The following SLC30A6 variants were observed in gnomAD, a reference collection of about 807,000 sequenced individuals.
The protein encoded by SLC30A6 is solute carrier family 30 member 6.
In SLC30A6, 55 loss-of-function variants were observed where a neutral mutation model predicts 63.0. The observed-to-expected ratio is 0.87, with a 90% confidence interval of 0.70 to 1.09. SLC30A6 has a LOEUF of 1.09. Ranked by LOEUF, SLC30A6 falls within the 50% of genes least tolerant of loss-of-function variation. SLC30A6 has a pLI of 0.00. For missense variants in SLC30A6, 587 were observed against 549.2 expected (o/e 1.07, Z -0.69); for synonymous variants, 224 against 186.1 (o/e 1.20, Z -1.66).
rs1423523508 is a variant in SLC30A6 at position 32,197,250 on chromosome 2, C to T, written c.497-94C>T. On this transcript the variant is annotated intron_variant, in intron 8 of 13. Transcript: ENST00000282587. The stretch of plus-strand genomic sequence containing the variant: ...CTTTTGTAATGTTATTCAGTCACTG[C>T]CAAATTTATTTTTTAAAATTAAAGA... The T allele has an allele frequency of 1.1e-5, 13 of 1,148,176 alleles. No individual in the cohort carries two copies. The African/African-American group carries it at 1.7e-4, about 15-fold the overall frequency. 71.1% of individuals were successfully genotyped at this position (1,148,176 alleles called of 1,614,324 possible).
chr2:32,171,461 C>A (rs1681204254), intron 2 of SLC30A6, 88 bp downstream of exon 2: 5 of 953,654 alleles, frequency 5.2e-6, no homozygotes, highest in South Asian at 1.5e-5. Context: ...CAATAGAAAT[C>A]ACTCCTGATC....
At position 32,193,939 on chromosome 2, in the gene SLC30A6, C is replaced by T. The variant is rs771247557; in HGVS notation, c.452C>T (p.Thr151Met). 9.3e-6 allele frequency: 15 copies of T among 1,613,392 alleles called. No individual in the cohort carries two copies. Among genetic ancestry groups the T allele is most frequent in the South Asian group, 2.2e-5 (2 of 91,040 alleles). ...TFVALCFNLFTMLSIRNKPFA... is the reference protein window; with the variant it reads ...TFVALCFNLFMMLSIRNKPFA... The stretch of plus-strand genomic sequence containing the variant: ...GTGGCTCTTTGTTTCAACCTGTTCA[C>T]GATGCTTTCTATTCGGAATAAACCT... Residue 151 changes from threonine (T) to methionine (M), a missense_variant, in exon 8 of 14, where the codon ACG (threonine) becomes ATG (methionine). Coordinates refer to ENST00000282587, the MANE Select transcript of SLC30A6 (RefSeq NM_017964.5).
intron 3 of SLC30A6, among the ~76,000 whole-genome samples, chr2:32,174,353 C>G (rs1389545347): frequency 6.6e-6 from 1 of 151,514 alleles, no homozygotes; most frequent in East Asian, 1.9e-4. Context: ...AAGTTTTTTT[C>G]CTTTTAAAAT....
Position 32,214,562 on chromosome 2 carries a change from C to T in SLC30A6, c.885+5001C>T, listed in dbSNP as rs555472045. On this transcript the variant is annotated intron_variant, in intron 13 of 13. Transcript: ENST00000282587. ...AGTATATGTGCTGCCGAAGTGACCA[C>T]TTAACCATTCTTTTAATTGCGTTAA... 14 of 152,224 alleles carry T rather than the reference C, an allele frequency of 9.2e-5. No homozygotes were observed. In the East Asian group the frequency reaches 2.7e-3, roughly 29 times the overall value. The allele number at this position is 152,224 out of a possible 1,614,324, so 9.4% of individuals were successfully genotyped here.
chr2:32,202,422 C>T lies in SLC30A6; in HGVS notation c.666-2168C>T, dbSNP rs888660556. On this transcript the variant is annotated intron_variant, in intron 10 of 13. Transcript: ENST00000282587. ...TCGGCTCACTGCAAGCTCCGCCGCC[C>T]GGGTTCACACCATTTTCCTGCCTCA... 4 of 259,130 alleles carry T rather than the reference C, an allele frequency of 1.5e-5. No homozygotes were observed. In the East Asian group the frequency reaches 3.4e-4, roughly 22 times the overall value. 16.1% of individuals were successfully genotyped at this position (259,130 alleles called of 1,614,324 possible). A position where few individuals can be genotyped will look rare whatever the true frequency, so the allele number is the denominator to read the frequency against.
intron 4 of SLC30A6, among the ~76,000 whole-genome samples, chr2:32,178,000 T>C (rs1172459201): frequency 6.8e-6 from 1 of 146,882 alleles, no homozygotes; most frequent in Admixed American, 7.1e-5. Flanking sequence ...CAGGCTGGAG[T>C]GCAGTGGCGC....
intron 4 of SLC30A6, among the ~76,000 whole-genome samples, chr2:32,179,481 T>C (rs1378440768): frequency 1.3e-5 from 2 of 152,182 alleles, no homozygotes; most frequent in Non-Finnish European, 2.9e-5. Context: ...CTTGTTAAAA[T>C]ACATATTGCT....
At chr2:32,186,430 A>G (rs1192121723) in intron 5 of SLC30A6, among the ~76,000 whole-genome samples, 9 of 152,212 alleles carry the variant, frequency 5.9e-5, no homozygotes, top group Admixed American at 5.9e-4. Context: ...TTACGCCTAT[A>G]ATCCCGGGAC....
At chr2:32,192,224 G>T in intron 5 of SLC30A6, 112 bp from the exon 6 acceptor site, 1 of 877,412 alleles carries the variant, frequency 1.1e-6, no homozygotes, top group South Asian at 1.5e-5. Flanking sequence ...GCTCATAGTA[G>T]ACAGCACATA....
At chr2:32,204,089 G>GGTAT in intron 10 of SLC30A6, 2 of 489,812 alleles carry the variant, frequency 4.1e-6, no homozygotes, top group Non-Finnish European at 7.3e-6. Flanking sequence ...TCATAGTTGA[G>GGTAT]GTATGTGTCT....
At chr2:32,173,739 C>T (rs191485657) in intron 2 of SLC30A6, among the ~76,000 whole-genome samples, 1 of 152,246 alleles carries the variant, frequency 6.6e-6, no homozygotes. Flanking sequence ...GCCCCATTTG[C>T]TTCATCGTTG....
intron 6 of SLC30A6, 37 bp from the exon 7 acceptor site, chr2:32,192,881 T>G (rs982571441): frequency 1.5e-6 from 2 of 1,331,752 alleles, no homozygotes; most frequent in African/African-American, 1.5e-5. Flanking sequence ...ACTTTATAAT[T>G]TATAGGACTT....
At chr2:32,186,413 C>T (rs978539271) in intron 5 of SLC30A6, among the ~76,000 whole-genome samples, 1 of 152,178 alleles carries the variant, frequency 6.6e-6, no homozygotes, top group African/African-American at 2.4e-5. Context: ...GGGCCTGGTG[C>T]GGTGGCTTAC....
Position 32,174,117 on chromosome 2 carries a change from C to T in SLC30A6, c.145C>T (p.Leu49Phe). 1.2e-6 allele frequency: 2 copies of T among 1,613,538 alleles called. No individual in the cohort carries two copies. The highest frequency in any genetic ancestry group is 1.1e-5 in the South Asian group (1 of 91,034). ...AAACTTGATATGTACTGGCTTCCTG[C>T]TTATGTGGTGCAGTTCTACTAATAG... Reference protein sequence around the residue: ...VINLICTGFLLMWCSSTNSIA... With the variant: ...VINLICTGFLFMWCSSTNSIA... The change falls in exon 3 of 14, where the codon CTT becomes TTT. Residue 49 changes from leucine to phenylalanine, a missense_variant. Leu to Phe is a conservative substitution (Grantham distance 22). Coordinates refer to ENST00000282587, the MANE Select transcript of SLC30A6 (RefSeq NM_017964.5).
chr2:32,199,174 A>G (rs1684050845), intron 10 of SLC30A6, among the ~76,000 whole-genome samples: 1 of 152,182 alleles, frequency 6.6e-6, no homozygotes, highest in Non-Finnish European at 1.5e-5. Context: ...CTTCCTTTTT[A>G]ATTGGAATGC....
chr2:32,202,636 T>C, intron 10 of SLC30A6: 1 of 558,762 alleles, frequency 1.8e-6, no homozygotes, highest in Non-Finnish European at 3.4e-6. Context: ...CAGCTCTGAT[T>C]GGATCTTTCT....
At chr2:32,206,098 T>G (rs1454824232) in intron 11 of SLC30A6, among the ~76,000 whole-genome samples, 1 of 152,162 alleles carries the variant, frequency 6.6e-6, no homozygotes, top group African/African-American at 2.4e-5. Flanking sequence ...CTTAAAATCT[T>G]AAATGACACA....
rs1029249265 is a variant in SLC30A6, at chr2:32,202,735, A to G, written c.666-1855A>G. ...GTTGAAGATATTATTCATGAATTCTACAAAACTGATTCTGAAGACAGTCCT... is the reference window on the plus strand; with the variant it reads ...GTTGAAGATATTATTCATGAATTCTGCAAAACTGATTCTGAAGACAGTCCT... On this transcript the variant is annotated intron_variant, in intron 10 of 13. Coordinates refer to ENST00000282587, the MANE Select transcript of SLC30A6 (RefSeq NM_017964.5). The G allele has an allele frequency of 1.7e-5, 12 of 696,944 alleles. No individual in the cohort carries two copies. In the African/African-American group the frequency reaches 1.8e-4, roughly 10 times the overall value. 43.2% of individuals were successfully genotyped at this position (696,944 alleles called of 1,614,324 possible). A position where few individuals can be genotyped will look rare whatever the true frequency, so the allele number is the denominator to read the frequency against.
chr2:32,209,572 T>C lies in SLC30A6; in HGVS notation c.885+11T>C, dbSNP rs751939273. The stretch of plus-strand genomic sequence containing the variant: ...GGTTTTGGCTCATTGGTATGTTCTT[T>C]TACATATGACTTTAGTTATAATTTA... On this transcript the variant is annotated intron_variant, in intron 13 of 13. Coordinates refer to ENST00000282587, the MANE Select transcript of SLC30A6 (RefSeq NM_017964.5). 1 of 1,591,870 alleles carries C rather than the reference T, an allele frequency of 6.3e-7. No homozygotes were observed. The highest frequency in any genetic ancestry group is 8.6e-7 in the Non-Finnish European group (1 of 1,169,354).
Sources: allele counts gnomAD v4.1 joint callset (sites outside exome capture counted in the v4.1 genomes callset), GRCh38; gene constraint gnomAD v4.1.1; transcripts MANE v1.5; gene names NCBI Gene and HGNC (gene_info 2026-07-23, HGNC 2026-07-21).